The following ALS2 variants were observed in gnomAD, a reference collection of about 807,000 sequenced individuals.
The protein encoded by ALS2 is alsin.
ALS2 carries 117 observed loss-of-function variants against 203.4 expected under a neutral mutation model. That is an observed-to-expected ratio of 0.58 (90% CI 0.50 to 0.67). The LOEUF is 0.67. Among genes scored for constraint, ALS2 ranks in the 30% least tolerant of loss-of-function variants. ALS2 has a pLI of 0.00. For synonymous variants in ALS2, 718 were observed against 725.9 expected (o/e 0.99, Z 0.17); for missense variants, 1,715 against 1,989.4 (o/e 0.86, Z 2.62).
At chr2:201,704,080 A>T (rs746460157) in intron 33 of ALS2, 42 bp downstream of exon 33, 1 of 1,520,590 alleles carries the variant, frequency 6.6e-7, no homozygotes, top group Non-Finnish European at 9.1e-7. Context: ...AATGAAAGAC[A>T]GATATGAAGA....
chr2:201,758,892 A>G (rs879668710), intron 4 of ALS2, among the ~76,000 whole-genome samples: 3 of 152,182 alleles, frequency 2.0e-5, no homozygotes, highest in Non-Finnish European at 4.4e-5. Flanking sequence ...GTTGAATTAA[A>G]CGCTAAATTC....
At chr2:201,729,012 C>T (rs1691372009) in intron 14 of ALS2, 40 bp downstream of exon 14, 2 of 1,613,834 alleles carry the variant, frequency 1.2e-6, no homozygotes, top group Non-Finnish European at 1.7e-6. Flanking sequence ...GAAATGGTTG[C>T]TGTTTGCTAG....
chr2:201,726,799 G>C lies in ALS2; in HGVS notation c.3047C>G (p.Pro1016Arg), dbSNP rs776807292. 40 of 1,614,108 alleles carry C rather than the reference G, an allele frequency of 2.5e-5. No individual in the cohort carries two copies. The highest frequency in any genetic ancestry group is 3.1e-5 in the Non-Finnish European group (37 of 1,180,000). The change falls in exon 18 of 34, where the codon CCT becomes CGT. Residue 1016 changes from proline (P) to arginine (R), a missense_variant. Transcript: ENST00000264276. The part of the protein sequence containing the change: ...QALRGMSDLP[P>R]YGSGSSVQRQ... ...CTGAACACTGCTACCACTTCCATAA[G>C]GGGGGAGATCAGACATCCCTCTCAA...
At chr2:201,750,537 CATGAA>C (rs1188208221) in intron 7 of ALS2, among the ~76,000 whole-genome samples, 1 of 151,836 alleles carries the variant, frequency 6.6e-6, no homozygotes, top group African/African-American at 2.4e-5. Context: ...ACCTTTCATA[CATGAA>C]GAGTTACTGT....
At position 201,761,137 on chromosome 2, in the gene ALS2, T is replaced by C. The variant is rs749498606; in HGVS notation, c.857A>G (p.Gln286Arg). The change falls in exon 4 of 34, where the codon CAG (glutamine) becomes CGG (arginine). Residue 286 changes from glutamine (Q) to arginine (R), a missense_variant. Gln to Arg is a conservative substitution (Grantham distance 43). Transcript: ENST00000264276. ...LSPSTETLDRQEEVFENTLVA... is the reference protein window; with the variant it reads ...LSPSTETLDRREEVFENTLVA... ...AAGAGTGTTCTCAAATACTTCTTCC[T>C]GCCTGTCAAGGGTTTCAGTGGAGGG... The C allele has an allele frequency of 5.0e-6, 8 of 1,614,236 alleles. No homozygotes were observed. The highest frequency in any genetic ancestry group is 6.8e-6 in the Non-Finnish European group (8 of 1,180,040).
At chr2:201,749,077 T>C (rs1044551550) in intron 8 of ALS2, among the ~76,000 whole-genome samples, 2 of 152,118 alleles carry the variant, frequency 1.3e-5, no homozygotes, top group African/African-American at 4.8e-5. Flanking sequence ...ACCAGTACAA[T>C]TGATGAGAAT....
intron 27 of ALS2, among the ~76,000 whole-genome samples, chr2:201,709,631 T>C (rs533482558): frequency 4.6e-5 from 7 of 152,320 alleles, no homozygotes; most frequent in Non-Finnish European, 7.4e-5. Flanking sequence ...CATACCAAAA[T>C]TAGATTTAAA....
At chr2:201,766,468 A>G (rs1190058915) in intron 3 of ALS2, among the ~76,000 whole-genome samples, 1 of 151,534 alleles carries the variant, frequency 6.6e-6, no homozygotes, top group African/African-American at 2.4e-5. Flanking sequence ...CAACATGGTG[A>G]AACCCCATCT....
chr2:201,713,779 C>T (rs1690192746), intron 25 of ALS2, among the ~76,000 whole-genome samples: 1 of 152,120 alleles, frequency 6.6e-6, no homozygotes, highest in African/African-American at 2.4e-5. Flanking sequence ...TCTTGTCAGA[C>T]AACTTCAACA....
chr2:201,730,490 A>G (rs1187499289), intron 13 of ALS2, among the ~76,000 whole-genome samples: 1 of 152,198 alleles, frequency 6.6e-6, no homozygotes, highest in Non-Finnish European at 1.5e-5. Context: ...TTTTCGCTTA[A>G]AAGTTGAGAT....
Position 201,749,790 on chromosome 2 carries a change from C to G in ALS2, c.1738-1G>C. The G allele has an allele frequency of 2.5e-6, 4 of 1,613,634 alleles. No individual in the cohort carries two copies. The highest frequency in any genetic ancestry group is 2.5e-6 in the Non-Finnish European group (3 of 1,179,706). ...AGGTATTGCTACCCCATGAGTAAACCTATCAAAAAAACACAGAAAAGTAGC... is the reference window on the plus strand; with the variant it reads ...AGGTATTGCTACCCCATGAGTAAACGTATCAAAAAAACACAGAAAAGTAGC... On this transcript the variant is annotated splice_acceptor_variant, in intron 7 of 33. Transcript: ENST00000264276. LOFTEE classifies it high-confidence loss of function.
At chr2:201,752,189 C>T (rs7571926) in intron 7 of ALS2, among the ~76,000 whole-genome samples, 74,928 of 151,878 alleles carry the variant, frequency 0.49, 20,758 homozygotes, top group Non-Finnish European at 0.62. Context: ...TTACAACTGA[C>T]GCATCTCATC....
At chr2:201,724,778 T>C (rs547828215) in intron 20 of ALS2, among the ~76,000 whole-genome samples, 6 of 152,308 alleles carry the variant, frequency 3.9e-5, no homozygotes, top group Admixed American at 3.3e-4. Flanking sequence ...TGTCTTATTA[T>C]AGATAAGACC....
At position 201,773,227 on chromosome 2, in the gene ALS2, C is replaced by T. The variant is rs571119803; in HGVS notation, c.-60-4282G>A. ...TTAAACCAATTTTATGGTGAACACT[C>T]ACGGAGCACCAAAATGAATTTTTGC... On this transcript the variant is annotated intron_variant, in intron 1 of 33. Coordinates refer to ENST00000264276, the MANE Select transcript of ALS2 (RefSeq NM_020919.4). Among the ~76,000 whole-genome samples the T allele has an allele frequency of 3.9e-5, 6 of 152,306 alleles. No individual in the cohort carries two copies. The South Asian group carries it at 6.2e-4, about 16-fold the overall frequency.
At chr2:201,705,550 C>T (rs898090786) in intron 29 of ALS2, 89 bp from the exon 30 acceptor site, 2 of 982,178 alleles carry the variant, frequency 2.0e-6, no homozygotes, top group African/African-American at 1.6e-5. Flanking sequence ...TATTGGCTTC[C>T]TTGTCCCCAT....
At chr2:201,770,205 A>G (rs1694314490) in intron 1 of ALS2, among the ~76,000 whole-genome samples, 1 of 152,172 alleles carries the variant, frequency 6.6e-6, no homozygotes, top group Non-Finnish European at 1.5e-5. Context: ...TTAAATTTCA[A>G]CAATAGGTAG....
intron 25 of ALS2, among the ~76,000 whole-genome samples, chr2:201,712,082 G>C (rs1690066063): frequency 6.6e-6 from 1 of 150,836 alleles, no homozygotes; most frequent in Non-Finnish European, 1.5e-5. Flanking sequence ...CCCAAATATA[G>C]AAAAAAAAAT....
At chr2:201,703,309 T>C (rs1351003692) in intron 33 of ALS2, among the ~76,000 whole-genome samples, 1 of 152,204 alleles carries the variant, frequency 6.6e-6, no homozygotes, top group Non-Finnish European at 1.5e-5. Context: ...AAACTGCTAA[T>C]AAGCTATCCA....
At chr2:201,741,900 A>T in intron 10 of ALS2, 46 bp from the exon 11 acceptor site, 1 of 1,478,106 alleles carries the variant, frequency 6.8e-7, no homozygotes, top group Non-Finnish European at 9.4e-7. Flanking sequence ...CTGAAAACCG[A>T]TCACTTTATT....
Sources: allele counts gnomAD v4.1 joint callset (sites outside exome capture counted in the v4.1 genomes callset), GRCh38; gene constraint gnomAD v4.1.1; transcripts MANE v1.5; gene names NCBI Gene and HGNC (gene_info 2026-07-23, HGNC 2026-07-21).